FBXL13: variants seen among roughly 807,000 people sequenced by gnomAD.
FBXL13 encodes F-box and leucine rich repeat protein 13, also known as F-box and leucine-rich repeat protein 13.
A neutral mutation model predicts 83.6 loss-of-function variants in FBXL13; 67 were observed. The observed-to-expected ratio is 0.80, with a 90% CI of 0.66 to 0.98. The LOEUF (loss-of-function observed/expected upper bound fraction) is 0.98, where lower values mean the gene tolerates loss of function less well. FBXL13 is among the 50% of genes least tolerant of loss of function. The probability of loss-of-function intolerance (pLI) is 0.00; values close to 1 mark genes in which losing one functional copy is unlikely to be tolerated. For synonymous variants in FBXL13, 272 were observed against 299.5 expected, an observed-to-expected ratio of 0.91 and a Z score of 0.95; for missense variants, 822 against 866.5, an observed-to-expected ratio of 0.95 and a Z score of 0.64.
chr7:103,058,311 A>C (rs570068208), intron 1 of FBXL13, among the ~76,000 whole-genome samples: 11 of 152,308 alleles, frequency 7.2e-5, no homozygotes, highest in African/African-American at 2.6e-4. Context: ...CCACCTGCAG[A>C]CTGACTTCCT....
chr7:103,002,556 T>C (rs961240467), intron 6 of FBXL13, among the ~76,000 whole-genome samples: 36 of 152,350 alleles, frequency 2.4e-4, no homozygotes, highest in Admixed American at 1.2e-3. Flanking sequence ...TTCTTTCAGA[T>C]TGAAGAACTC....
At chr7:102,926,172 G>C (rs1818091862) in intron 10 of FBXL13, 102 bp downstream of exon 11, 4 of 854,718 alleles carry the variant, frequency 4.7e-6, no homozygotes, top group South Asian at 1.7e-5. Flanking sequence ...ACAGTGGTGG[G>C]GTGTTGATAA....
intron 16 of FBXL13, among the ~76,000 whole-genome samples, chr7:102,857,120 A>G (rs939588312): frequency 6.6e-6 from 1 of 151,166 alleles, no homozygotes; most frequent in Admixed American, 6.6e-5. Context: ...AAGACCTGAA[A>G]CGATAGAGCT....
intron 19 of FBXL13, among the ~76,000 whole-genome samples, chr7:102,815,291 T>C (rs781148734): frequency 6.6e-6 from 1 of 152,238 alleles, no homozygotes; most frequent in Non-Finnish European, 1.5e-5. Flanking sequence ...TAATTATTTA[T>C]AATTTTAAAC....
chr7:102,879,132 T>C (rs1809651524), intron 14 of FBXL13, among the ~76,000 whole-genome samples: 1 of 152,180 alleles, frequency 6.6e-6, no homozygotes, highest in Admixed American at 6.5e-5. Flanking sequence ...ACCAGATCCT[T>C]CTAAGAAGCA....
chr7:103,025,909 A>C (rs983085124), intron 5 of FBXL13, among the ~76,000 whole-genome samples: 2 of 151,876 alleles, frequency 1.3e-5, no homozygotes, highest in African/African-American at 2.4e-5. Flanking sequence ...ACTCCATTTA[A>C]GTGAATGTAG....
chr7:103,063,207 C>A (rs1798086813), intron 1 of FBXL13, among the ~76,000 whole-genome samples: 1 of 152,166 alleles, frequency 6.6e-6, no homozygotes, highest in African/African-American at 2.4e-5. Context: ...ATGGGTCCTG[C>A]ATCCATAGAT....
chr7:102,990,327 T>C (rs1241924666), intron 6 of FBXL13, among the ~76,000 whole-genome samples: 5 of 152,122 alleles, frequency 3.3e-5, no homozygotes, highest in Admixed American at 2.0e-4. Context: ...GGAAATGTCA[T>C]GCCACAGAAG....
chr7:103,017,780 A>G (rs1050199135), intron 6 of FBXL13, among the ~76,000 whole-genome samples: 3 of 151,690 alleles, frequency 2.0e-5, no homozygotes, highest in Non-Finnish European at 2.9e-5. Flanking sequence ...GAGAAAAAAA[A>G]GAGTAAAAAG....
Position 102,909,749 on chromosome 7 carries a change from G to A in FBXL13, c.1008+3337C>T, listed in dbSNP as rs148856049. Among the ~76,000 whole-genome samples the A allele has an allele frequency of 3.7e-3, 567 of 152,292 alleles. 5 individuals are homozygous for A. Among genetic ancestry groups the A allele is most frequent in the African/African-American group, 0.013 (560 of 41,548 alleles). Reference sequence around the variant, plus strand: ...TGGTGCCCTATCCTGCCGTGGCTGAGCTGGTATCCAAGATGCAAGACAAAG... The same window carrying A: ...TGGTGCCCTATCCTGCCGTGGCTGAACTGGTATCCAAGATGCAAGACAAAG... On this transcript the variant is annotated intron_variant, in intron 11 of 19. Transcript: ENST00000313221.
At chr7:102,997,612 T>C (rs1262920944) in intron 6 of FBXL13, among the ~76,000 whole-genome samples, 1 of 152,112 alleles carries the variant, frequency 6.6e-6, no homozygotes, top group Admixed American at 6.5e-5. Context: ...CACCAATATA[T>C]CCTCTACCTC....
At chr7:102,864,257 A>C (rs1807296670) in intron 16 of FBXL13, among the ~76,000 whole-genome samples, 1 of 152,116 alleles carries the variant, frequency 6.6e-6, no homozygotes, top group South Asian at 2.1e-4. Flanking sequence ...CCCAACACAT[A>C]ACCCTCCTTA....
chr7:102,837,314 A>C (rs562539017), intron 17 of FBXL13, among the ~76,000 whole-genome samples: 3 of 152,342 alleles, frequency 2.0e-5, no homozygotes, highest in African/African-American at 7.2e-5. Context: ...AGCAAGGCTT[A>C]GCAAAGGCCC....
At chr7:102,830,839 T>C (rs567558589) in intron 18 of FBXL13, among the ~76,000 whole-genome samples, 3 of 152,342 alleles carry the variant, frequency 2.0e-5, no homozygotes, top group African/African-American at 7.2e-5. Flanking sequence ...ATTTCTTAGT[T>C]TTCTTCCTTC....
intron 11 of FBXL13, among the ~76,000 whole-genome samples, chr7:102,895,480 C>A (rs1486112237): frequency 6.6e-6 from 1 of 152,196 alleles, no homozygotes; most frequent in Non-Finnish European, 1.5e-5. Context: ...TTTCATCCAG[C>A]TTCTTCTCCA....
intron 7 of FBXL13, among the ~76,000 whole-genome samples, chr7:102,964,426 T>G (rs1246044111): frequency 6.7e-6 from 1 of 148,202 alleles, no homozygotes; most frequent in Non-Finnish European, 1.5e-5. Flanking sequence ...TTTTCCAGAC[T>G]GAGTCTCTCT....
At chr7:103,048,926 G>A (rs982471169) in intron 2 of FBXL13, among the ~76,000 whole-genome samples, 1 of 152,128 alleles carries the variant, frequency 6.6e-6, no homozygotes, top group Non-Finnish European at 1.5e-5. Context: ...CACACCTTGC[G>A]TGTAAACCTA....
downstream of FBXL13, among the ~76,000 whole-genome samples, chr7:102,811,238 T>C (rs6967790): frequency 0.093 from 14,088 of 152,284 alleles, 816 homozygotes; most frequent in Non-Finnish European, 0.12. Flanking sequence ...AATGGAATTG[T>C]ACATATTTGG....
rs1809520585 is a variant in FBXL13 at position 102,878,199 on chromosome 7, C to T, written c.1508+132G>A. 9 of 670,006 alleles carry T rather than the reference C, an allele frequency of 1.3e-5. No homozygotes were observed. In the East Asian group the frequency reaches 3.0e-4, roughly 23 times the overall value. 41.5% of individuals were successfully genotyped at this position (670,006 alleles called of 1,614,324 possible). A position where few individuals can be genotyped will look rare whatever the true frequency, so the allele number is the denominator to read the frequency against. Reference sequence around the variant, plus strand: ...ATGTCTTTCACATGGTTTCACTGAACATTTAACCAGCTTCTGGGCATCTCT... The same window carrying T: ...ATGTCTTTCACATGGTTTCACTGAATATTTAACCAGCTTCTGGGCATCTCT... On this transcript the variant is annotated intron_variant, in intron 15 of 19. Coordinates refer to ENST00000313221, the Ensembl canonical transcript of FBXL13.
Sources: gnomAD v4.1 joint callset for allele counts (sites outside exome capture counted in the v4.1 genomes callset) on GRCh38, gnomAD v4.1.1 for gene constraint, MANE v1.5 for transcripts, NCBI Gene and HGNC (gene_info 2026-07-23, HGNC 2026-07-21) for gene names.